The following CNTN5 variants were observed in gnomAD, a reference collection of about 807,000 sequenced individuals.
The protein encoded by CNTN5 is contactin-5.
A neutral mutation model predicts 129.1 loss-of-function variants in CNTN5; 77 were observed. The ratio of observed to expected loss-of-function variants is 0.60; its 90% CI spans 0.50 to 0.72. The LOEUF is 0.72. Among genes scored for constraint, CNTN5 ranks in the 30% least tolerant of loss-of-function variants. The pLI is 0.00. For missense variants in CNTN5, 1,478 were observed against 1,328.8 expected (o/e 1.11, Z -1.75); for synonymous variants, 509 against 465.6 (o/e 1.09, Z -1.20).
chr11:99,430,998 G>GTTTT (rs11292397), intron 2 of CNTN5, among the ~76,000 whole-genome samples: 200 of 139,458 alleles, frequency 1.4e-3, no homozygotes, highest in Non-Finnish European at 1.8e-3. Flanking sequence ...TTTCCTGGCT[G>GTTTT]TTTTTTTTTT....
chr11:99,661,405 G>A (rs1251557062), intron 3 of CNTN5, among the ~76,000 whole-genome samples: 1 of 152,146 alleles, frequency 6.6e-6, no homozygotes, highest in East Asian at 1.9e-4. Flanking sequence ...TCACTAATTA[G>A]TATAAAGTGC....
intron 9 of CNTN5, among the ~76,000 whole-genome samples, chr11:100,006,381 A>G (rs1402843621): frequency 6.6e-6 from 1 of 152,140 alleles, no homozygotes; most frequent in Non-Finnish European, 1.5e-5. Context: ...TACCCACAGT[A>G]GAACTTCTTT....
chr11:99,706,093 G>C (rs1207818500), intron 3 of CNTN5, among the ~76,000 whole-genome samples: 1 of 151,382 alleles, frequency 6.6e-6, no homozygotes, highest in African/African-American at 2.4e-5. Flanking sequence ...AAAGAGTAAT[G>C]ATAATAGCAA....
intron 3 of CNTN5, among the ~76,000 whole-genome samples, chr11:99,687,276 ATAT>A: frequency 6.6e-6 from 1 of 152,160 alleles, no homozygotes; most frequent in Non-Finnish European, 1.5e-5. Flanking sequence ...GAGACGCTTA[ATAT>A]TATATTAACA....
chr11:99,037,085 C>A (rs144703529), intron 1 of CNTN5, among the ~76,000 whole-genome samples: 3 of 152,164 alleles, frequency 2.0e-5, no homozygotes, highest in Non-Finnish European at 4.4e-5. Context: ...CAGTGGAGAT[C>A]CAATGAAGAG....
chr11:99,694,366 C>T (rs1263500309), intron 3 of CNTN5, among the ~76,000 whole-genome samples: 1 of 152,056 alleles, frequency 6.6e-6, no homozygotes, highest in Non-Finnish European at 1.5e-5. Flanking sequence ...GTAGTTGCAA[C>T]AGAGTGTGTG....
chr11:99,325,887 C>T (rs1218002973), intron 2 of CNTN5, among the ~76,000 whole-genome samples: 1 of 152,080 alleles, frequency 6.6e-6, no homozygotes, highest in Non-Finnish European at 1.5e-5. Flanking sequence ...GGCTTTTGTG[C>T]TTTTTGTATG....
intron 1 of CNTN5, among the ~76,000 whole-genome samples, chr11:99,205,748 T>C (rs1033925249): frequency 2.0e-5 from 3 of 152,156 alleles, no homozygotes; most frequent in African/African-American, 4.8e-5. Context: ...CATTTGACAA[T>C]GTATATCTAT....
intron 1 of CNTN5, among the ~76,000 whole-genome samples, chr11:99,231,182 C>G: frequency 6.6e-6 from 1 of 152,122 alleles, no homozygotes. Flanking sequence ...AACGGAATTG[C>G]TTAGTCAAAT....
chr11:100,305,883 GGAA>G (rs1409459811), intron 20 of CNTN5, among the ~76,000 whole-genome samples: 1 of 150,656 alleles, frequency 6.6e-6, no homozygotes, highest in Non-Finnish European at 1.5e-5. Context: ...GGGCCACACT[GGAA>G]GAAGAAGAAT....
chr11:100,203,420 T>G (rs1948829837), intron 15 of CNTN5, among the ~76,000 whole-genome samples: 1 of 152,054 alleles, frequency 6.6e-6, no homozygotes, highest in Admixed American at 6.6e-5. Flanking sequence ...GTCTCAATCA[T>G]TCTTCTGAAG....
chr11:99,809,146 A>C (rs996278397), intron 3 of CNTN5, among the ~76,000 whole-genome samples: 3 of 152,078 alleles, frequency 2.0e-5, no homozygotes, highest in Non-Finnish European at 4.4e-5. Context: ...TGTTTACTCT[A>C]TGGGGGAGAA....
intron 15 of CNTN5, among the ~76,000 whole-genome samples, chr11:100,199,842 A>C (rs1031024812): frequency 3.9e-5 from 6 of 151,978 alleles, no homozygotes; most frequent in African/African-American, 1.4e-4. Context: ...AGGGCTAATA[A>C]GTAATTTTAT....
intron 2 of CNTN5, among the ~76,000 whole-genome samples, chr11:99,553,965 TACAC>T (rs34430127): frequency 1.6e-4 from 23 of 146,116 alleles, no homozygotes; most frequent in Middle Eastern, 3.5e-3. Flanking sequence ...TGAAAATGAA[TACAC>T]ACACACACAC....
At chr11:100,152,284 TACAA>T (rs1405107591) in intron 13 of CNTN5, among the ~76,000 whole-genome samples, 2 of 152,128 alleles carry the variant, frequency 1.3e-5, no homozygotes, top group Non-Finnish European at 2.9e-5. Flanking sequence ...GTAGCCTTAT[TACAA>T]ACAGAGACCC....
At chr11:99,433,371 A>AATGTGTG (rs1555143805) in intron 2 of CNTN5, among the ~76,000 whole-genome samples, 9,478 of 140,660 alleles carry the variant, frequency 0.067, 347 homozygotes, top group Admixed American at 0.12. Context: ...TAAAAAAAAA[A>AATGTGTG]TGTGTGTGTG....
At chr11:100,044,810 G>A (rs760429993) in intron 9 of CNTN5, among the ~76,000 whole-genome samples, 8 of 151,640 alleles carry the variant, frequency 5.3e-5, no homozygotes, top group African/African-American at 1.9e-4. Context: ...ATTTCATTTC[G>A]TTGATCTTCA....
chr11:99,920,877 C>A (rs1949921329), intron 7 of CNTN5, among the ~76,000 whole-genome samples: 1 of 152,122 alleles, frequency 6.6e-6, no homozygotes, highest in Admixed American at 6.6e-5. Flanking sequence ...TATAAACATT[C>A]AGACCATAGA....
intron 2 of CNTN5, among the ~76,000 whole-genome samples, chr11:99,393,204 A>G (rs911235208): frequency 7.9e-5 from 12 of 151,872 alleles, no homozygotes; most frequent in African/African-American, 2.9e-4. Flanking sequence ...TAGTTAAAGA[A>G]ATAGAAACGG....
Sources: allele counts gnomAD v4.1 joint callset (sites outside exome capture counted in the v4.1 genomes callset), GRCh38; gene constraint gnomAD v4.1.1; transcripts MANE v1.5; gene names NCBI Gene and HGNC (gene_info 2026-07-23, HGNC 2026-07-21).